TRIM2: variants seen among roughly 807,000 people sequenced by gnomAD.
The protein encoded by TRIM2 is tripartite motif containing 2.
Under a neutral mutation model 75.2 loss-of-function variants are expected in TRIM2, and 20 were observed. That is an observed-to-expected ratio of 0.27 (90% confidence interval 0.19 to 0.39). The LOEUF is 0.39. Among genes scored for constraint, TRIM2 ranks in the 10% least tolerant of loss-of-function variants. The pLI is 1.00. For synonymous variants in TRIM2, 373 were observed against 388.3 expected, an observed-to-expected ratio of 0.96 and a Z score of 0.46; for missense variants, 660 against 990.8, an observed-to-expected ratio of 0.67 and a Z score of 4.48.
upstream of TRIM2, among the ~76,000 whole-genome samples, chr4:153,203,910 TA>T (rs1734741150): frequency 6.6e-6 from 1 of 151,894 alleles, no homozygotes. Flanking sequence ...AATAAATAAA[TA>T]AATAAATAAA....
chr4:153,279,568 T>G (rs912547457), intron 3 of TRIM2, among the ~76,000 whole-genome samples: 2 of 152,118 alleles, frequency 1.3e-5, no homozygotes, highest in Non-Finnish European at 2.9e-5. Context: ...ACCCAGGAAA[T>G]TTTATAGGTT....
intron 1 of TRIM2, among the ~76,000 whole-genome samples, chr4:153,244,413 TC>T (rs1312217277): frequency 0.015 from 1,510 of 103,178 alleles, 240 homozygotes; most frequent in African/African-American, 0.028. Context: ...TTCTTCTTCT[TC>T]TTCTTCTTCT....
At position 153,295,520 on chromosome 4, in the gene TRIM2, A is replaced by G; in HGVS notation, c.994A>G (p.Thr332Ala). The change falls in exon 6 of 12, where the codon ACC (threonine) becomes GCC (alanine). Residue 332 changes from threonine (T) to alanine (A), a missense_variant. Thr to Ala is a moderately conservative substitution (Grantham distance 58). Coordinates refer to ENST00000338700, the MANE Select transcript of TRIM2 (RefSeq NM_015271.5). This position sits in a 1 kb window ranked among gnomAD's most constrained non-coding sequence, Gnocchi z 7.2. Reference sequence around the variant, plus strand: ...CGACCAGCTGGATTTCATCGTGGAAACCGAGGGGCTGAAGAAGTCCATCCA... The same window carrying G: ...CGACCAGCTGGATTTCATCGTGGAAGCCGAGGGGCTGAAGAAGTCCATCCA... ...ENDQLDFIVETEGLKKSIHNL... is the reference protein window; with the variant it reads ...ENDQLDFIVEAEGLKKSIHNL... 6.2e-7 allele frequency: 1 copy of G among 1,613,954 alleles called. No homozygotes were observed. The highest frequency in any genetic ancestry group is 8.5e-7 in the Non-Finnish European group (1 of 1,179,968).
In TRIM2 at chr4:153,336,382, AT is replaced by A. The variant is rs1772456845; in HGVS notation, c.*1417del. On this transcript the variant is annotated 3_prime_UTR_variant, in exon 12 of 12. Transcript: ENST00000338700. ...AACAAAAAAAAAACCACACACACAC[AT>A]AAAAAACCCAACAGGTCAAAATAAA... is the stretch of plus-strand genomic sequence containing the variant. The A allele has an allele frequency of 1.0e-6, 1 of 985,006 alleles. No homozygotes were observed. Among genetic ancestry groups the A allele is most frequent in the East Asian group, 1.1e-4 (1 of 8,810 alleles). 61.0% of individuals were successfully genotyped at this position (985,006 alleles called of 1,614,324 possible).
chr4:153,302,606 A>C (rs539222029), intron 6 of TRIM2, among the ~76,000 whole-genome samples: 1 of 152,346 alleles, frequency 6.6e-6, no homozygotes, highest in East Asian at 1.9e-4. Context: ...AGGAGAAGAC[A>C]TGATTGTTAT....
chr4:153,194,830 A>G (rs1370066186), intron 1 of TRIM2, among the ~76,000 whole-genome samples: 5 of 152,184 alleles, frequency 3.3e-5, no homozygotes, highest in Non-Finnish European at 7.4e-5. Context: ...GGTGGTGGTT[A>G]AAAACTCCTG....
rs374214591 is a variant in TRIM2 at position 153,300,499 on chromosome 4, T to A, written c.1510+4463T>A. Among the ~76,000 whole-genome samples, 7 of 152,214 alleles carry A rather than the reference T, an allele frequency of 4.6e-5. No individual in the cohort carries two copies. The East Asian group carries it at 5.8e-4, about 13-fold the overall frequency. On this transcript the variant is annotated intron_variant, in intron 6 of 11. Coordinates refer to ENST00000338700, the MANE Select transcript of TRIM2 (RefSeq NM_015271.5). ...CCATTCTAACACGTATGAGGTATTA[T>A]CTCATTGTGGTTTTAATTTTCATAT...
At chr4:153,162,207 G>A (rs928393682) in intron 1 of TRIM2, among the ~76,000 whole-genome samples, 1 of 152,146 alleles carries the variant, frequency 6.6e-6, no homozygotes, top group Non-Finnish European at 1.5e-5. Flanking sequence ...CAGAAAAACA[G>A]AACCAGTGGG....
chr4:153,281,700 T>G (rs1253588327), intron 3 of TRIM2, among the ~76,000 whole-genome samples: 1 of 152,272 alleles, frequency 6.6e-6, no homozygotes, highest in Non-Finnish European at 1.5e-5. Context: ...TCATCAACTT[T>G]AAGTGCTGTG....
rs879233901 is a variant in TRIM2, at chr4:153,257,605, A to G, written c.31-12730A>G. The G allele has an allele frequency of 3.1e-6, 4 of 1,288,872 alleles. No individual in the cohort carries two copies. In the South Asian group the frequency reaches 3.7e-5, roughly 12 times the overall value. 79.8% of individuals were successfully genotyped at this position (1,288,872 alleles called of 1,614,324 possible). On this transcript the variant is annotated intron_variant, in intron 1 of 11. Coordinates refer to ENST00000338700, the MANE Select transcript of TRIM2 (RefSeq NM_015271.5). ...GGGCTTCTGATGATGGCTGCACTGC[A>G]TGGTAGGGAATTTTAACCAGTCTCT... is the stretch of plus-strand genomic sequence containing the variant.
At chr4:153,197,470 C>T (rs1187771961) in intron 1 of TRIM2, among the ~76,000 whole-genome samples, 2 of 152,174 alleles carry the variant, frequency 1.3e-5, no homozygotes, top group African/African-American at 4.8e-5. Flanking sequence ...TGTTTGTGTC[C>T]TCCCTTAATC....
chr4:153,307,855 T>C lies in TRIM2; in HGVS notation c.1511-7630T>C, dbSNP rs1765362391. Reference sequence around the variant, plus strand: ...CTATACTTTCTCTTGAATTCAGACCTAATTTTCAACATGTCCACTTCATTG... The same window carrying C: ...CTATACTTTCTCTTGAATTCAGACCCAATTTTCAACATGTCCACTTCATTG... On this transcript the variant is annotated intron_variant, in intron 6 of 11. Transcript: ENST00000338700. 14 of 738,050 alleles carry C rather than the reference T, an allele frequency of 1.9e-5. No individual in the cohort carries two copies. In the South Asian group the frequency reaches 1.9e-4, roughly 10 times the overall value. 45.7% of individuals were successfully genotyped at this position (738,050 alleles called of 1,614,324 possible). A position where few individuals can be genotyped will look rare whatever the true frequency, so the allele number is the denominator to read the frequency against.
intron 1 of TRIM2, among the ~76,000 whole-genome samples, chr4:153,207,532 A>T (rs995668634): frequency 1.3e-5 from 2 of 152,232 alleles, no homozygotes; most frequent in Non-Finnish European, 2.9e-5. Context: ...CATGCATCAA[A>T]GTTCCTTATA....
chr4:153,194,824 G>A (rs909618825), intron 1 of TRIM2, among the ~76,000 whole-genome samples: 2 of 152,154 alleles, frequency 1.3e-5, no homozygotes, highest in Admixed American at 6.5e-5. Flanking sequence ...ATGAGGGGTG[G>A]TGGTTAAAAA....
At chr4:153,207,255 G>A (rs1439332802) in intron 1 of TRIM2, among the ~76,000 whole-genome samples, 2 of 152,160 alleles carry the variant, frequency 1.3e-5, no homozygotes, top group South Asian at 2.1e-4. Flanking sequence ...TCCAGGAAGG[G>A]CCAGCCACAC....
upstream of TRIM2, among the ~76,000 whole-genome samples, chr4:153,152,923 T>C (rs1347283101): frequency 6.6e-6 from 1 of 152,226 alleles, no homozygotes; most frequent in Admixed American, 6.5e-5. Context: ...AGGTCAAGGC[T>C]GGCATTTGCA....
chr4:153,173,287 G>T (rs1731065867), intron 1 of TRIM2, among the ~76,000 whole-genome samples: 1 of 152,102 alleles, frequency 6.6e-6, no homozygotes, highest in South Asian at 2.1e-4. Context: ...AACGCTTTGG[G>T]GTCTGGAGGA....
intron 1 of TRIM2, among the ~76,000 whole-genome samples, chr4:153,181,553 C>A (rs1299898794): frequency 6.6e-6 from 1 of 152,218 alleles, no homozygotes; most frequent in African/African-American, 2.4e-5. Flanking sequence ...ACCACACATG[C>A]TGCCACCTCC....
At chr4:153,298,203 A>G (rs192872853) in intron 6 of TRIM2, among the ~76,000 whole-genome samples, 113 of 152,352 alleles carry the variant, frequency 7.4e-4, no homozygotes, top group Middle Eastern at 3.4e-3. Context: ...CCTGGCATGC[A>G]GCACGATGTC....
Sources: gnomAD v4.1 joint callset for allele counts (sites outside exome capture counted in the v4.1 genomes callset) on GRCh38, gnomAD v4.1.1 for gene constraint, Gnocchi (gnomAD v3.1) non-coding constraint, MANE v1.5 for transcripts, NCBI Gene and HGNC (gene_info 2026-07-23, HGNC 2026-07-21) for gene names.